Variants in CHCHD3 observed in about 807,000 individuals in gnomAD.
CHCHD3 encodes the protein coiled-coil-helix-coiled-coil-helix domain containing 3.
In CHCHD3, 20 loss-of-function variants were observed where a neutral mutation model predicts 38.2. The observed-to-expected ratio is 0.52, with a 90% confidence interval of 0.37 to 0.76. The LOEUF is 0.76. CHCHD3 is among the 30% of genes least tolerant of loss of function. The probability of loss-of-function intolerance (pLI) is 0.00; values close to 1 mark genes in which losing one functional copy is unlikely to be tolerated. For synonymous variants in CHCHD3, 82 were observed against 100.0 expected, an observed-to-expected ratio of 0.82 and a Z score of 1.07; for missense variants, 245 against 279.2, an observed-to-expected ratio of 0.88 and a Z score of 0.87.
intron 6 of CHCHD3, among the ~76,000 whole-genome samples, chr7:132,804,610 G>A (rs1361286472): frequency 6.6e-6 from 1 of 152,160 alleles, no homozygotes; most frequent in Non-Finnish European, 1.5e-5. Context: ...TTTCAAAACT[G>A]TCACATATCT....
intron 4 of CHCHD3, among the ~76,000 whole-genome samples, chr7:132,934,649 G>C (rs1810594851): frequency 1.3e-5 from 2 of 152,176 alleles, no homozygotes; most frequent in African/African-American, 4.8e-5. Context: ...TCATGGAGTA[G>C]ATACTCAACA....
chr7:132,956,983 G>A (rs768736437), intron 4 of CHCHD3, among the ~76,000 whole-genome samples: 8 of 152,188 alleles, frequency 5.3e-5, no homozygotes, highest in Non-Finnish European at 8.8e-5. Flanking sequence ...GGCTTACCCA[G>A]CAGAGGGAGA....
chr7:132,929,602 GA>G (rs1290711828), intron 4 of CHCHD3, among the ~76,000 whole-genome samples: 1 of 152,116 alleles, frequency 6.6e-6, no homozygotes, highest in Non-Finnish European at 1.5e-5. Flanking sequence ...ACAGCTACAA[GA>G]ATATCCTGAA....
chr7:132,850,363 AGC>A (rs1424017187), intron 5 of CHCHD3, among the ~76,000 whole-genome samples: 1 of 151,582 alleles, frequency 6.6e-6, no homozygotes, highest in Non-Finnish European at 1.5e-5. Flanking sequence ...AAAGAAACAG[AGC>A]TATTTAGAGC....
intron 4 of CHCHD3, among the ~76,000 whole-genome samples, chr7:132,909,952 T>C (rs537846783): frequency 6.6e-6 from 1 of 152,226 alleles, no homozygotes; most frequent in Non-Finnish European, 1.5e-5. Flanking sequence ...AATAATCAGG[T>C]ATGAGCTTTC....
chr7:132,810,099 A>T (rs1413567736), intron 6 of CHCHD3, among the ~76,000 whole-genome samples: 1 of 152,202 alleles, frequency 6.6e-6, no homozygotes, highest in Non-Finnish European at 1.5e-5. Context: ...CTAATTCGTA[A>T]TATCTCATCT....
chr7:132,990,130 G>A (rs932379426), intron 3 of CHCHD3, among the ~76,000 whole-genome samples: 4 of 152,184 alleles, frequency 2.6e-5, no homozygotes, highest in East Asian at 1.9e-4. Flanking sequence ...CCGAGATCAC[G>A]CCATTGCACT....
At chr7:132,917,067 A>C (rs1810125333) in intron 4 of CHCHD3, among the ~76,000 whole-genome samples, 1 of 152,202 alleles carries the variant, frequency 6.6e-6, no homozygotes, top group Non-Finnish European at 1.5e-5. Context: ...AATGTTACAG[A>C]CTGAATCCAA....
chr7:132,856,880 G>C (rs1053058388), intron 5 of CHCHD3, among the ~76,000 whole-genome samples: 2 of 152,176 alleles, frequency 1.3e-5, no homozygotes, highest in African/African-American at 4.8e-5. Flanking sequence ...TGCATTTCCT[G>C]GGGGTTCACT....
intron 2 of CHCHD3, among the ~76,000 whole-genome samples, chr7:133,066,323 C>T (rs1292109479): frequency 2.0e-5 from 3 of 151,470 alleles, no homozygotes; most frequent in Non-Finnish European, 2.9e-5. Flanking sequence ...GGCACAATCT[C>T]GGCTTACTGC....
intron 4 of CHCHD3, among the ~76,000 whole-genome samples, chr7:132,921,479 G>A (rs1810261345): frequency 6.6e-6 from 1 of 152,088 alleles, no homozygotes; most frequent in Non-Finnish European, 1.5e-5. Context: ...GCAAGTCTCT[G>A]CATATTAGGC....
chr7:132,975,776 C>G (rs1438984697), intron 3 of CHCHD3, among the ~76,000 whole-genome samples: 1 of 152,096 alleles, frequency 6.6e-6, no homozygotes, highest in East Asian at 1.9e-4. Flanking sequence ...ACTAAAAATA[C>G]AAAACTTCGC....
intron 3 of CHCHD3, among the ~76,000 whole-genome samples, chr7:133,021,626 T>C (rs1055350811): frequency 1.3e-5 from 2 of 152,330 alleles, no homozygotes; most frequent in African/African-American, 2.4e-5. Flanking sequence ...CATTTTGGAA[T>C]ATTTCCCTGC....
chr7:132,898,278 GC>G (rs1585616664), intron 4 of CHCHD3, among the ~76,000 whole-genome samples: 1 of 152,206 alleles, frequency 6.6e-6, no homozygotes, highest in South Asian at 2.1e-4. Flanking sequence ...CTCTTTTCTG[GC>G]CCCACCCACA....
Position 132,946,172 on chromosome 7 carries a change from A to ATGTG in CHCHD3, c.369+28993_369+28996dup, listed in dbSNP as rs34177004. On this transcript the variant is annotated intron_variant, in intron 4 of 7. Transcript: ENST00000262570. ...CTAAAAATTTACTTGGCCTTTATAT[A>ATGTG]TGTGTGTGTGTGTGTGTGTATACAC... 1.4e-3 allele frequency among the ~76,000 whole-genome samples: 206 copies of ATGTG among 150,640 alleles called. 4 individuals carry two copies. Among genetic ancestry groups the ATGTG allele is most frequent in the African/African-American group, 4.8e-3 (197 of 41,268 alleles).
intron 5 of CHCHD3, among the ~76,000 whole-genome samples, chr7:132,870,209 G>T (rs1808731158): frequency 6.6e-6 from 1 of 151,980 alleles, no homozygotes; most frequent in Non-Finnish European, 1.5e-5. Flanking sequence ...AATTAGCCCG[G>T]TGTGATGGCA....
chr7:132,796,294 T>C (rs550120145), intron 7 of CHCHD3, 148 bp downstream of exon 7: 19 of 790,270 alleles, frequency 2.4e-5, no homozygotes, highest in Non-Finnish European at 3.4e-5. Flanking sequence ...TATGCCCTAA[T>C]CAACTCATTA....
At chr7:133,048,098 A>G (rs1814048313) in intron 2 of CHCHD3, among the ~76,000 whole-genome samples, 1 of 151,988 alleles carries the variant, frequency 6.6e-6, no homozygotes, top group Non-Finnish European at 1.5e-5. Flanking sequence ...CAAAAACAAC[A>G]ACGACAACAA....
intron 6 of CHCHD3, among the ~76,000 whole-genome samples, chr7:132,831,374 T>C (rs1807645798): frequency 6.8e-6 from 1 of 146,142 alleles, no homozygotes; most frequent in African/African-American, 2.5e-5. Flanking sequence ...ACATTTATCA[T>C]GTACATTTGG....
Sources: gnomAD v4.1 joint callset for allele counts (sites outside exome capture counted in the v4.1 genomes callset) on GRCh38, gnomAD v4.1.1 for gene constraint, MANE v1.5 for transcripts, NCBI Gene and HGNC (gene_info 2026-07-23, HGNC 2026-07-21) for gene names.